PRELID2: variants seen among roughly 807,000 people sequenced by gnomAD.
PRELID2 encodes PRELI domain containing 2, also known as PRELI domain-containing protein 2.
In PRELID2, 25 loss-of-function variants were observed where a neutral mutation model predicts 28.4. The ratio of observed to expected loss-of-function variants is 0.88; its 90% CI spans 0.64 to 1.23. The LOEUF (loss-of-function observed/expected upper bound fraction) is 1.23. PRELID2 is among the 50% of genes most tolerant of loss of function. The pLI is 0.00. For synonymous variants in PRELID2, 76 were observed against 71.6 expected (o/e 1.06, Z -0.31); for missense variants, 201 against 214.4 (o/e 0.94, Z 0.39).
chr5:145,587,670 T>C (rs145141755), intron 1 of PRELID2, among the ~76,000 whole-genome samples: 52 of 152,290 alleles, frequency 3.4e-4, no homozygotes, highest in African/African-American at 1.2e-3. Flanking sequence ...CCTTGTGGGC[T>C]TCCATTACAT....
chr5:145,530,905 A>C (rs1034770511), intron 1 of PRELID2, among the ~76,000 whole-genome samples: 1 of 152,028 alleles, frequency 6.6e-6, no homozygotes, highest in Non-Finnish European at 1.5e-5. Flanking sequence ...GTGGAGAAAA[A>C]ATGGGAAGAG....
intron 1 of PRELID2, among the ~76,000 whole-genome samples, chr5:145,716,755 A>C (rs1256650175): frequency 6.6e-6 from 1 of 152,200 alleles, no homozygotes; most frequent in East Asian, 1.9e-4. Flanking sequence ...TGTAATATTA[A>C]TAACAGCTAG....
At chr5:145,368,279 C>T in the PRELID2 span, among the ~76,000 whole-genome samples, 7 of 151,882 alleles carry the variant, frequency 4.6e-5, no homozygotes, top group East Asian at 1.9e-4. Flanking sequence ...CATAGTGTTA[C>T]GGCTCTAAAG....
At chr5:145,609,629 G>C (rs1753582570) in intron 1 of PRELID2, among the ~76,000 whole-genome samples, 1 of 152,230 alleles carries the variant, frequency 6.6e-6, no homozygotes, top group South Asian at 2.1e-4. Context: ...AGCAGCTGTG[G>C]TATGTCTGGC....
At chr5:145,598,461 G>A (rs1753342523) in intron 1 of PRELID2, among the ~76,000 whole-genome samples, 1 of 152,140 alleles carries the variant, frequency 6.6e-6, no homozygotes. Flanking sequence ...GCTAACAGAT[G>A]ATGTTGCCAT....
At chr5:145,389,237 G>A in the PRELID2 span, among the ~76,000 whole-genome samples, 1 of 152,068 alleles carries the variant, frequency 6.6e-6, no homozygotes, top group Non-Finnish European at 1.5e-5. Flanking sequence ...AAAAATGACT[G>A]ATTGATTGAT....
chr5:145,285,875 C>T, the PRELID2 span, among the ~76,000 whole-genome samples: 1 of 152,100 alleles, frequency 6.6e-6, no homozygotes. Flanking sequence ...AAGTAAATGC[C>T]AAGAAACATC....
At chr5:145,266,361 A>G in the PRELID2 span, among the ~76,000 whole-genome samples, 1 of 130,312 alleles carries the variant, frequency 7.7e-6, no homozygotes, top group African/African-American at 3.4e-5. Context: ...ACAAAAAGCA[A>G]AAAAAAAAAA....
intron 1 of PRELID2, among the ~76,000 whole-genome samples, chr5:145,659,387 T>A (rs1754451034): frequency 6.6e-6 from 1 of 152,222 alleles, no homozygotes; most frequent in Non-Finnish European, 1.5e-5. Flanking sequence ...TTTCACCGTA[T>A]CAGACTATAA....
At chr5:145,263,053 CA>C in the PRELID2 span, among the ~76,000 whole-genome samples, 1 of 151,860 alleles carries the variant, frequency 6.6e-6, no homozygotes, top group Non-Finnish European at 1.5e-5. Flanking sequence ...TTATATCAGA[CA>C]AAAACCAACT....
intron 1 of PRELID2, among the ~76,000 whole-genome samples, chr5:145,687,490 T>C (rs1209340987): frequency 6.6e-6 from 1 of 152,196 alleles, no homozygotes; most frequent in Non-Finnish European, 1.5e-5. Context: ...ATATGACCAC[T>C]AAAATGCAAC....
chr5:145,319,259 C>A, the PRELID2 span, among the ~76,000 whole-genome samples: 1 of 152,150 alleles, frequency 6.6e-6, no homozygotes, highest in Non-Finnish European at 1.5e-5. Flanking sequence ...TGCTTCCTGT[C>A]CATATCACTA....
chr5:145,359,138 G>T, the PRELID2 span, among the ~76,000 whole-genome samples: 2 of 152,264 alleles, frequency 1.3e-5, no homozygotes, highest in African/African-American at 2.4e-5. Context: ...TTTTACTGAG[G>T]ACTCATTAAT....
At chr5:145,415,452 C>T in the PRELID2 span, among the ~76,000 whole-genome samples, 2 of 146,556 alleles carry the variant, frequency 1.4e-5, no homozygotes, top group African/African-American at 5.1e-5. Context: ...CACAACAGTC[C>T]CCAGAGTGTG....
At chr5:145,381,322 G>T in the PRELID2 span, among the ~76,000 whole-genome samples, 1 of 152,168 alleles carries the variant, frequency 6.6e-6, no homozygotes, top group Non-Finnish European at 1.5e-5. Flanking sequence ...GCTTGAAAAT[G>T]AGGAGGGAAA....
At chr5:145,505,634 C>T (rs1229381391) in intron 1 of PRELID2, among the ~76,000 whole-genome samples, 1 of 152,190 alleles carries the variant, frequency 6.6e-6, no homozygotes, top group African/African-American at 2.4e-5. Flanking sequence ...CATGACCCAG[C>T]AATACCACTC....
intron 1 of PRELID2, among the ~76,000 whole-genome samples, chr5:145,707,280 G>A (rs184279600): frequency 6.0e-4 from 92 of 152,270 alleles, no homozygotes; most frequent in African/African-American, 2.0e-3. Context: ...CCCAATGATC[G>A]TGACTGCACT....
chr5:145,616,932 C>T (rs554277390), intron 1 of PRELID2, among the ~76,000 whole-genome samples: 2 of 152,180 alleles, frequency 1.3e-5, no homozygotes, highest in East Asian at 3.9e-4. Flanking sequence ...ACGGCCACCC[C>T]CCGAAGCGGC....
chr5:145,786,506 T>C (rs930202313), intron 5 of PRELID2, among the ~76,000 whole-genome samples: 1 of 152,110 alleles, frequency 6.6e-6, no homozygotes. Flanking sequence ...CCAGCAACCA[T>C]GTGAGTTTGG....
Sources: allele counts gnomAD v4.1 joint callset (sites outside exome capture counted in the v4.1 genomes callset), GRCh38; gene constraint gnomAD v4.1.1; transcripts MANE v1.5; gene names NCBI Gene and HGNC (gene_info 2026-07-23, HGNC 2026-07-21).